The following CAMK2G variants were observed in gnomAD, a reference collection of about 807,000 sequenced individuals.
CAMK2G encodes calcium/calmodulin dependent protein kinase II gamma.
A neutral mutation model predicts 88.7 loss-of-function variants in CAMK2G; 23 were observed. That is an observed-to-expected ratio of 0.26 (90% CI 0.19 to 0.37). The LOEUF (loss-of-function observed/expected upper bound fraction) is 0.37, where lower values mean the gene tolerates loss of function less well. Among genes scored for constraint, CAMK2G ranks in the 10% least tolerant of loss-of-function variants. The pLI is 1.00. For synonymous variants in CAMK2G, 263 were observed against 294.8 expected (o/e 0.89, Z 1.11); for missense variants, 476 against 780.8 (o/e 0.61, Z 4.65).
chr10:73,850,422 G>GC (rs377637421), intron 5 of CAMK2G, among the ~76,000 whole-genome samples: 409 of 151,076 alleles, frequency 2.7e-3, no homozygotes, highest in African/African-American at 4.8e-3. Flanking sequence ...TTTGCCGCCC[G>GC]CCCCCCCCCA....
chr10:73,860,695 C>T (rs2095333933), intron 3 of CAMK2G, 135 bp downstream of exon 3: 1 of 709,742 alleles, frequency 1.4e-6, no homozygotes, highest in Non-Finnish European at 2.5e-6. Flanking sequence ...GACACAGTTG[C>T]TATCCTGCTC....
rs878881520 is a variant in CAMK2G at position 73,848,206 on chromosome 10, G to C, written c.602-124C>G. On this transcript the variant is annotated intron_variant, in intron 8 of 22. Transcript: ENST00000423381. The surrounding 1 kb of genome is among the most constrained non-coding windows in gnomAD (Gnocchi z 4.5). ...GGCCATACCAGAGTCAGAAGTGGAT[G>C]CCAGCCGATAATGCTATGCTACCAG... The C allele has an allele frequency of 6.0e-5, 41 of 680,874 alleles. No individual in the cohort carries two copies. Among genetic ancestry groups the C allele is most frequent in the East Asian group, 1.5e-4 (6 of 39,468 alleles). The allele number at this position is 680,874 out of a possible 1,614,324, so 42.2% of individuals were successfully genotyped here.
intron 5 of CAMK2G, among the ~76,000 whole-genome samples, chr10:73,850,684 C>T (rs2094553025): frequency 6.6e-6 from 1 of 152,186 alleles, no homozygotes; most frequent in Non-Finnish European, 1.5e-5. Context: ...GCAGAGCATC[C>T]CAGTGTATGG....
chr10:73,815,202 G>A lies in CAMK2G; in HGVS notation c.1580C>T (p.Pro527Leu). The part of the protein sequence containing the change: ...SKPIHTTILN[P>L]HVHVIGEDAA... ...GTCCTCCCCAATCACGTGGACGTGT[G>A]GGTTTAGGATGGTGGTATGGATAGG... The change falls in exon 22 of 23, where the codon CCA becomes CTA. Residue 527 changes from proline (P) to leucine (L), a missense_variant. Coordinates refer to ENST00000423381, the MANE Select transcript of CAMK2G (RefSeq NM_001367534.1). 6.2e-7 allele frequency: 1 copy of A among 1,614,256 alleles called. No individual in the cohort carries two copies. The highest frequency in any genetic ancestry group is 8.5e-7 in the Non-Finnish European group (1 of 1,180,038).
chr10:73,819,103 GACCCCATGCTCTTAATAC>G (rs762106731), intron 19 of CAMK2G, among the ~76,000 whole-genome samples: 17 of 152,102 alleles, frequency 1.1e-4, no homozygotes, highest in Admixed American at 4.6e-4. Context: ...TCTTGCCTCT[GACCCCATGCTCTTAATAC>G]TGTTATGCTG....
At chr10:73,834,023 AT>A (rs2092896515) in intron 14 of CAMK2G, among the ~76,000 whole-genome samples, 1 of 133,366 alleles carries the variant, frequency 7.5e-6, no homozygotes, top group South Asian at 2.5e-4. Flanking sequence ...GGTTCACGCC[AT>A]TCTCCTGCCT....
intron 15 of CAMK2G, among the ~76,000 whole-genome samples, chr10:73,826,941 G>C (rs1220849098): frequency 6.6e-6 from 1 of 152,110 alleles, no homozygotes; most frequent in East Asian, 1.9e-4. Flanking sequence ...ACAGGCTAGA[G>C]AAGAGGGGGC....
Position 73,813,612 on chromosome 10 carries a change from G to C in CAMK2G, c.*906C>G, listed in dbSNP as rs1056901616. On this transcript the variant is annotated 3_prime_UTR_variant, in exon 23 of 23. Coordinates refer to ENST00000423381, the MANE Select transcript of CAMK2G (RefSeq NM_001367534.1). ...GCACAGAAACAGAACCGCCAAAGGC[G>C]GCACGGGAGCCCTGACCAGGGCCTG... is the stretch of plus-strand genomic sequence containing the variant. 2.0e-5 allele frequency: 3 copies of C among 152,810 alleles called. No homozygotes were observed. The highest frequency in any genetic ancestry group is 4.4e-5 in the Non-Finnish European group (3 of 68,152). 9.5% of individuals were successfully genotyped at this position (152,810 alleles called of 1,614,324 possible).
intron 2 of CAMK2G, among the ~76,000 whole-genome samples, chr10:73,865,302 C>A (rs1382615628): frequency 2.0e-5 from 3 of 152,208 alleles, no homozygotes; most frequent in African/African-American, 7.2e-5. Flanking sequence ...TGGGCAGCAA[C>A]AGGGGCTCCT....
At chr10:73,859,091 G>C (rs1375884559) in intron 3 of CAMK2G, among the ~76,000 whole-genome samples, 1 of 152,260 alleles carries the variant, frequency 6.6e-6, no homozygotes, top group Non-Finnish European at 1.5e-5. Flanking sequence ...CAGATATTGA[G>C]ACCCGGGTCT....
At chr10:73,860,961 T>C in intron 2 of CAMK2G, 72 bp from the exon 3 acceptor site, 1 of 1,062,108 alleles carries the variant, frequency 9.4e-7, no homozygotes, top group Non-Finnish European at 1.5e-6. Context: ...TTATTCATAT[T>C]CCTTCAGTTC....
At chr10:73,845,358 G>A (rs1479806013) in intron 10 of CAMK2G, among the ~76,000 whole-genome samples, 1 of 152,038 alleles carries the variant, frequency 6.6e-6, no homozygotes, top group East Asian at 1.9e-4. Flanking sequence ...CGAGGCGGGT[G>A]GATCATGAGA....
Position 73,839,625 on chromosome 10 carries a change from GCA to G in CAMK2G, c.947-26_947-25del, listed in dbSNP as rs2093598535. 1.6e-6 allele frequency: 2 copies of G among 1,215,872 alleles called. No homozygotes were observed. Among genetic ancestry groups the G allele is most frequent in the Non-Finnish European group, 2.1e-6 (2 of 971,934 alleles). The allele number at this position is 1,215,872 out of a possible 1,614,324, so 75.3% of individuals were successfully genotyped here. ...AACTGAGGGGATACAGTCTCTCAGTGCACAGAGCCCCGCAAAGCCACGGGGCC... is the reference window on the plus strand; with the variant it reads ...AACTGAGGGGATACAGTCTCTCAGTGCAGAGCCCCGCAAAGCCACGGGGCC... On this transcript the variant is annotated intron_variant, in intron 12 of 22. Coordinates refer to ENST00000423381, the MANE Select transcript of CAMK2G (RefSeq NM_001367534.1). This position sits in a 1 kb window ranked among gnomAD's most constrained non-coding sequence, Gnocchi z 4.2.
intron 2 of CAMK2G, among the ~76,000 whole-genome samples, chr10:73,861,733 G>A (rs1281495157): frequency 6.6e-6 from 1 of 152,198 alleles, no homozygotes. Flanking sequence ...GCACTGGCTA[G>A]GGGTTTTGCA....
Position 73,815,017 on chromosome 10 carries a change from A to G in CAMK2G, c.1765T>C (p.Ter589ArgextTer7), listed in dbSNP as rs2084961438. ...CSGAPAAPLQ[*>R] ...ACCAGGTGCACCTGTGGCTGAGCTC[A>G]CTGCAGCGGTGCGGCAGGGGCCCCT... Residue 589 changes from the stop codon to arginine, a stop_lost, in exon 22 of 23, where the codon TGA becomes CGA. Coordinates refer to ENST00000423381, the MANE Select transcript of CAMK2G (RefSeq NM_001367534.1). 18 of 1,609,810 alleles carry G rather than the reference A, an allele frequency of 1.1e-5. No individual in the cohort carries two copies. Among genetic ancestry groups the G allele is most frequent in the Non-Finnish European group, 1.5e-5 (18 of 1,176,986 alleles).
intron 1 of CAMK2G, chr10:73,873,408 C>A (rs978514524): frequency 1.7e-6 from 2 of 1,200,960 alleles, no homozygotes; most frequent in African/African-American, 1.5e-5. Flanking sequence ...TCTCAGACAG[C>A]CCTGCGGTCC....
chr10:73,869,808 C>T (rs2095750209), intron 2 of CAMK2G, among the ~76,000 whole-genome samples: 1 of 152,206 alleles, frequency 6.6e-6, no homozygotes. Flanking sequence ...GATTTCAAAA[C>T]ACTGTTTCCG....
chr10:73,849,972 C>T (rs769847538), intron 5 of CAMK2G, among the ~76,000 whole-genome samples: 2 of 152,054 alleles, frequency 1.3e-5, no homozygotes, highest in African/African-American at 2.4e-5. Flanking sequence ...GATGATTTTG[C>T]GTAGAGAAAA....
chr10:73,857,214 C>T (rs1393873651), intron 3 of CAMK2G, among the ~76,000 whole-genome samples: 1 of 152,206 alleles, frequency 6.6e-6, no homozygotes, highest in Non-Finnish European at 1.5e-5. Flanking sequence ...GCTTGAATAA[C>T]TTGTGAACTG....
Sources: gnomAD v4.1 joint callset for allele counts (sites outside exome capture counted in the v4.1 genomes callset) on GRCh38, gnomAD v4.1.1 for gene constraint, Gnocchi (gnomAD v3.1) non-coding constraint, MANE v1.5 for transcripts, NCBI Gene and HGNC (gene_info 2026-07-23, HGNC 2026-07-21) for gene names.